The following GAB2 variants were observed in gnomAD, a reference collection of about 807,000 sequenced individuals.
The protein encoded by GAB2 is GRB2 associated binding protein 2, also known as GRB2-associated-binding protein 2.
Under a neutral mutation model 65.5 loss-of-function variants are expected in GAB2, and 26 were observed. That is an observed-to-expected ratio of 0.40 (90% CI 0.29 to 0.55). The LOEUF (loss-of-function observed/expected upper bound fraction) is 0.55. Ranked by LOEUF, GAB2 falls within the 20% of genes least tolerant of loss-of-function variation. The pLI is 0.53. For missense variants in GAB2, 884 were observed against 875.8 expected, an observed-to-expected ratio of 1.01 and a Z score of -0.12; for synonymous variants, 321 against 329.6, an observed-to-expected ratio of 0.97 and a Z score of 0.28.
intron 3 of GAB2, among the ~76,000 whole-genome samples, chr11:78,242,978 C>T (rs1430327334): frequency 6.6e-6 from 1 of 151,680 alleles, no homozygotes; most frequent in Non-Finnish European, 1.5e-5. Context: ...GCCTGGCCAA[C>T]ATGGTGAAAC....
chr11:78,300,684 G>GTTTTTTTTTT lies in GAB2; in HGVS notation c.76-19784_76-19783insAAAAAAAAAA, dbSNP rs1491587604. Among the ~76,000 whole-genome samples, 526 of 133,964 alleles carry GTTTTTTTTTT rather than the reference G, an allele frequency of 3.9e-3. 3 individuals are homozygous for GTTTTTTTTTT. The highest frequency in any genetic ancestry group is 0.014 in the African/African-American group (480 of 33,216). 87.9% of individuals were successfully genotyped at this position (133,964 alleles called of 152,430 possible). ...ATCTCACTGTGTGGTTTTTTTTTTT[G>GTTTTTTTTTT]GTTTTTTTTTGTTTTTTTTTTTTTT... On this transcript the variant is annotated intron_variant, in intron 1 of 9. Coordinates refer to ENST00000361507, the MANE Select transcript of GAB2 (RefSeq NM_080491.3).
chr11:78,404,340 C>T (rs1051920202), intron 1 of GAB2, among the ~76,000 whole-genome samples: 1 of 152,108 alleles, frequency 6.6e-6, no homozygotes, highest in Non-Finnish European at 1.5e-5. Context: ...CTCAGGAGTT[C>T]GAGATGAGCC....
At chr11:78,322,893 C>T (rs1855753003) in intron 1 of GAB2, among the ~76,000 whole-genome samples, 1 of 151,680 alleles carries the variant, frequency 6.6e-6, no homozygotes, top group Admixed American at 6.6e-5. Flanking sequence ...ACTTCGGCCA[C>T]TGTAGAAAGC....
chr11:78,414,652 A>AT (rs1565190515), intron 1 of GAB2, among the ~76,000 whole-genome samples: 1 of 152,208 alleles, frequency 6.6e-6, no homozygotes, highest in Non-Finnish European at 1.5e-5. Flanking sequence ...CAGCCATATC[A>AT]GGATGCCCCA....
At chr11:78,321,288 T>C (rs895071965) in intron 1 of GAB2, among the ~76,000 whole-genome samples, 4 of 152,206 alleles carry the variant, frequency 2.6e-5, no homozygotes, top group African/African-American at 9.7e-5. Flanking sequence ...CCTTCCAGGA[T>C]GCTCTCCCAC....
intron 1 of GAB2, among the ~76,000 whole-genome samples, chr11:78,284,170 A>T (rs1866410339): frequency 6.6e-6 from 1 of 152,122 alleles, no homozygotes; most frequent in African/African-American, 2.4e-5. Flanking sequence ...TTCATACTCT[A>T]CATCTAACCC....
At chr11:78,365,988 T>G (rs1218777840) in intron 1 of GAB2, among the ~76,000 whole-genome samples, 5 of 152,226 alleles carry the variant, frequency 3.3e-5, no homozygotes, top group South Asian at 2.1e-4. Flanking sequence ...AGTTACAGTT[T>G]TCTCTGGGCT....
chr11:78,221,682 G>C lies in GAB2; in HGVS notation c.1756C>G (p.Pro586Ala). 1 of 1,606,864 alleles carries C rather than the reference G, an allele frequency of 6.2e-7. No homozygotes were observed. The highest frequency in any genetic ancestry group is 8.5e-7 in the Non-Finnish European group (1 of 1,173,710). ...DSGDSEENYV[P>A]MQNPVSASPV... is the part of the protein sequence containing the mutation. ...GCGAAGCCCGAAGGACTCACCATAG[G>C]GACATAGTTCTCTTCGCTGTCTCCT... Residue 586 changes from proline (P) to alanine (A), a missense_variant, in exon 8 of 10, where the codon CCT becomes GCT. Coordinates refer to ENST00000361507, the MANE Select transcript of GAB2 (RefSeq NM_080491.3).
In GAB2 at chr11:78,310,155, G is replaced by A. The variant is rs558015055; in HGVS notation, c.76-29254C>T. Among the ~76,000 whole-genome samples, 11 of 151,888 alleles carry A rather than the reference G, an allele frequency of 7.2e-5. No homozygotes were observed. The East Asian group carries it at 1.4e-3, about 19-fold the overall frequency. ...TTCAATACACGCCTCTGAGAAATGT[G>A]GGGGTGGAGGGAGTGAGGGGTTGGG... On this transcript the variant is annotated intron_variant, in intron 1 of 9. Coordinates refer to ENST00000361507, the MANE Select transcript of GAB2 (RefSeq NM_080491.3).
intron 1 of GAB2, among the ~76,000 whole-genome samples, chr11:78,400,767 T>C (rs1012125097): frequency 6.6e-6 from 1 of 151,720 alleles, no homozygotes; most frequent in Non-Finnish European, 1.5e-5. Context: ...TAGCCAGGCA[T>C]AGTGGTGCAG....
At chr11:78,304,379 C>G (rs1591019749) in intron 1 of GAB2, among the ~76,000 whole-genome samples, 1 of 152,270 alleles carries the variant, frequency 6.6e-6, no homozygotes, top group African/African-American at 2.4e-5. Context: ...CTTCTTCCAT[C>G]CCCTGGCAAT....
rs1287478428 is a variant in GAB2 at position 78,392,656 on chromosome 11, G to C, written c.75+24990C>G. Among the ~76,000 whole-genome samples the C allele has an allele frequency of 7.2e-5, 11 of 152,110 alleles. No homozygotes were observed. In the South Asian group the frequency reaches 2.1e-3, roughly 29 times the overall value. ...ACGGTGGGCAAAGGTAATGAAGATG[G>C]GGGTACTGGGGAGAACAGAGAGACT... is the stretch of plus-strand genomic sequence containing the variant. On this transcript the variant is annotated intron_variant, in intron 1 of 9. Transcript: ENST00000361507.
rs145510994 is a variant in GAB2 at position 78,379,420 on chromosome 11, C to T, written c.75+38226G>A. ...CTGTCTTTCTTGCCTTGGTTTCCTC[C>T]TTAGTAAGTGTAAATTCAAAATAAC... On this transcript the variant is annotated intron_variant, in intron 1 of 9. Transcript: ENST00000361507. Among the ~76,000 whole-genome samples, 547 of 152,276 alleles carry T rather than the reference C, an allele frequency of 3.6e-3. 5 individuals are homozygous for T. Among genetic ancestry groups the T allele is most frequent in the African/African-American group, 0.012 (493 of 41,554 alleles).
chr11:78,278,889 T>A (rs1020343631), intron 2 of GAB2, among the ~76,000 whole-genome samples: 4 of 152,190 alleles, frequency 2.6e-5, no homozygotes, highest in African/African-American at 9.7e-5. Flanking sequence ...CAGCTAATTT[T>A]TATTTTTTAT....
rs1457523879 is a variant in GAB2, at chr11:78,396,220, TCAAA to T, written c.75+21422_75+21425del. Among the ~76,000 whole-genome samples the T allele has an allele frequency of 7.9e-5, 12 of 152,280 alleles. No homozygotes were observed. The South Asian group carries it at 2.3e-3, about 29-fold the overall frequency. On this transcript the variant is annotated intron_variant, in intron 1 of 9. Coordinates refer to ENST00000361507, the MANE Select transcript of GAB2 (RefSeq NM_080491.3). ...ACACAAAGCAAAGTTTCACCGTAGTTCAAACAAAGAAATGTGGTAGGAAAAAAGT... is the reference window on the plus strand; with the variant it reads ...ACACAAAGCAAAGTTTCACCGTAGTTCAAAGAAATGTGGTAGGAAAAAAGT...
chr11:78,222,958 C>G (rs1254629711), intron 6 of GAB2, among the ~76,000 whole-genome samples: 5 of 152,144 alleles, frequency 3.3e-5, no homozygotes, highest in African/African-American at 1.2e-4. Flanking sequence ...CAGGTCGGTG[C>G]AAGCCACAGT....
intron 1 of GAB2, among the ~76,000 whole-genome samples, chr11:78,300,532 C>CAAAAAAAAACAA (rs1255395653): frequency 4.7e-5 from 6 of 126,466 alleles, no homozygotes; most frequent in African/African-American, 1.6e-4. Context: ...AACAAAAAAA[C>CAAAAAAAAACAA]AAAAAACTAC....
chr11:78,223,747 G>C (rs1378291341), intron 5 of GAB2, 71 bp from the exon 6 acceptor site: 3 of 1,300,128 alleles, frequency 2.3e-6, no homozygotes, highest in Non-Finnish European at 3.2e-6. Context: ...GTAAGACTTT[G>C]TAAATGAGGC....
chr11:78,301,614 T>C (rs1276790904), intron 1 of GAB2, among the ~76,000 whole-genome samples: 3 of 152,208 alleles, frequency 2.0e-5, no homozygotes, highest in East Asian at 1.9e-4. Context: ...ATTACAGGCG[T>C]GAGCCACCGT....
Sources: allele counts gnomAD v4.1 joint callset (sites outside exome capture counted in the v4.1 genomes callset), GRCh38; gene constraint gnomAD v4.1.1; transcripts MANE v1.5; gene names NCBI Gene and HGNC (gene_info 2026-07-23, HGNC 2026-07-21).